LAMA2: variants seen among roughly 807,000 people sequenced by gnomAD.
LAMA2 encodes the protein laminin subunit alpha-2.
In LAMA2, 269 loss-of-function variants were observed where a neutral mutation model predicts 364.8. The observed-to-expected ratio is 0.74, with a 90% CI of 0.67 to 0.82. The LOEUF (loss-of-function observed/expected upper bound fraction) is 0.82, where lower values mean the gene tolerates loss of function less well. Among genes scored for constraint, LAMA2 ranks in the 40% least tolerant of loss-of-function variants. LAMA2 has a pLI of 0.00. For missense variants in LAMA2, 3,807 were observed against 3,873.2 expected (o/e 0.98, Z 0.45); for synonymous variants, 1,379 against 1,370.6 (o/e 1.01, Z -0.14).
intron 1 of LAMA2, among the ~76,000 whole-genome samples, chr6:128,920,103 T>G (rs1250020104): frequency 1.3e-5 from 2 of 152,134 alleles, no homozygotes; most frequent in Non-Finnish European, 2.9e-5. Flanking sequence ...TGTCACTGCC[T>G]AAAATATCTC....
intron 3 of LAMA2, among the ~76,000 whole-genome samples, chr6:129,077,958 C>T (rs780541490): frequency 6.6e-6 from 1 of 152,042 alleles, no homozygotes; most frequent in Admixed American, 6.6e-5. Flanking sequence ...TGTCCAAACC[C>T]GCAGGACGTG....
At chr6:129,023,699 A>C (rs1317786890) in intron 1 of LAMA2, among the ~76,000 whole-genome samples, 2 of 152,032 alleles carry the variant, frequency 1.3e-5, no homozygotes, top group African/African-American at 4.8e-5. Flanking sequence ...CCATGTTTCT[A>C]TCTGGTTTAC....
At chr6:128,965,588 G>A (rs1010226108) in intron 1 of LAMA2, among the ~76,000 whole-genome samples, 7 of 151,710 alleles carry the variant, frequency 4.6e-5, no homozygotes, top group African/African-American at 1.7e-4. Flanking sequence ...TTTCTACTTA[G>A]GCTAAGCTCT....
rs566082396 is a variant in LAMA2, at chr6:129,066,325, G to A, written c.396+6429G>A. Among the ~76,000 whole-genome samples, 37 of 151,956 alleles carry A rather than the reference G, an allele frequency of 2.4e-4. 2 individuals are homozygous for A. The South Asian group carries it at 7.1e-3, about 29-fold the overall frequency. ...CTCCCAAAGTGCTGGGATTACAGGC[G>A]TGAGCCACCGCGCCCGGCCTCAGGT... On this transcript the variant is annotated intron_variant, in intron 3 of 64. Transcript: ENST00000421865.
chr6:128,940,678 G>A lies in LAMA2; in HGVS notation c.112+57321G>A, dbSNP rs141804957. 6.9e-3 allele frequency among the ~76,000 whole-genome samples: 1,047 copies of A among 152,266 alleles called. 12 individuals carry two copies. Among genetic ancestry groups the A allele is most frequent in the African/African-American group, 0.023 (968 of 41,532 alleles). On this transcript the variant is annotated intron_variant, in intron 1 of 64. Transcript: ENST00000421865. ...AATGAAAGGTTTGATAAAGCTGGAC[G>A]TGGTAGCTCACACCTGTGATCCCAG...
At chr6:129,107,909 G>C (rs1775923720) in intron 4 of LAMA2, among the ~76,000 whole-genome samples, 2 of 152,094 alleles carry the variant, frequency 1.3e-5, no homozygotes, top group African/African-American at 2.4e-5. Flanking sequence ...TATAAGCTCA[G>C]GAGTCCCCCC....
At chr6:128,906,396 C>A (rs1777471247) in intron 1 of LAMA2, among the ~76,000 whole-genome samples, 1 of 129,318 alleles carries the variant, frequency 7.7e-6, no homozygotes, top group East Asian at 2.1e-4. Context: ...TGATGATGAG[C>A]ATTTTTTCAT....
At chr6:129,063,759 T>C (rs972959117) in intron 3 of LAMA2, among the ~76,000 whole-genome samples, 3 of 152,178 alleles carry the variant, frequency 2.0e-5, no homozygotes, top group African/African-American at 7.2e-5. Context: ...TTCACTGATC[T>C]TGCAGAGAAA....
intron 12 of LAMA2, among the ~76,000 whole-genome samples, chr6:129,233,674 C>T (rs894997490): frequency 1.3e-4 from 19 of 151,980 alleles, no homozygotes; most frequent in African/African-American, 4.4e-4. Flanking sequence ...GAAGAAAATC[C>T]GCGTATAAAT....
At chr6:129,007,621 AT>A (rs1438038179) in intron 1 of LAMA2, among the ~76,000 whole-genome samples, 1 of 152,210 alleles carries the variant, frequency 6.6e-6, no homozygotes, top group African/African-American at 2.4e-5. Flanking sequence ...ACATGTAAAT[AT>A]TGCATGAGTA....
intron 32 of LAMA2, among the ~76,000 whole-genome samples, chr6:129,362,244 A>G (rs982826163): frequency 6.6e-6 from 1 of 152,146 alleles, no homozygotes; most frequent in African/African-American, 2.4e-5. Flanking sequence ...CTGAATAGTC[A>G]TTCTTGTTGA....
At chr6:128,888,181 T>C (rs988953030) in intron 1 of LAMA2, among the ~76,000 whole-genome samples, 3 of 152,270 alleles carry the variant, frequency 2.0e-5, no homozygotes, top group Middle Eastern at 3.4e-3. Flanking sequence ...TTTTCCAGGC[T>C]TAGTATATAC....
intron 48 of LAMA2, among the ~76,000 whole-genome samples, chr6:129,457,355 T>C (rs1472285309): frequency 6.6e-6 from 1 of 152,128 alleles, no homozygotes; most frequent in African/African-American, 2.4e-5. Flanking sequence ...TAGTAATATA[T>C]AGTCATATTA....
At chr6:128,984,655 A>AT (rs66667236) in intron 1 of LAMA2, among the ~76,000 whole-genome samples, 19 of 143,514 alleles carry the variant, frequency 1.3e-4, no homozygotes, top group African/African-American at 4.8e-4. Context: ...AATTTAAATG[A>AT]TTTTTTTTTT....
chr6:129,140,653 A>C (rs1470575245), intron 4 of LAMA2, among the ~76,000 whole-genome samples: 1 of 152,014 alleles, frequency 6.6e-6, no homozygotes. Flanking sequence ...GAAGTATGCT[A>C]AGCTATCCAG....
Position 129,514,516 on chromosome 6 carries a change from C to G in LAMA2, c.9132C>G (p.Asn3044Lys). The stretch of plus-strand genomic sequence containing the variant: ...GCATTGAGCTCACAGTCGATGGGAA[C>G]CAGGTGGAAGCCCAAAGCCCAAACC... The part of the protein sequence containing the change: ...KHRIELTVDG[N>K]QVEAQSPNPA... Residue 3044 changes from asparagine (N) to lysine (K), a missense_variant, in exon 64 of 65, where the codon AAC becomes AAG. By Grantham distance (94) the Asn-to-Lys change is moderately conservative. Around this residue, in one of 3 missense-constraint regions of LAMA2, gnomAD observed 3,333 missense variants for 3,345.7 expected, o/e 1.00. Transcript: ENST00000421865. 7 of 1,614,118 alleles carry G rather than the reference C, an allele frequency of 4.3e-6. No homozygotes were observed. The highest frequency in any genetic ancestry group is 5.9e-6 in the Non-Finnish European group (7 of 1,180,002).
At chr6:129,497,607 C>G (rs1785290549) in intron 58 of LAMA2, among the ~76,000 whole-genome samples, 1 of 152,138 alleles carries the variant, frequency 6.6e-6, no homozygotes, top group Non-Finnish European at 1.5e-5. Flanking sequence ...TGAGAACTGC[C>G]TATTTATGAG....
Position 128,933,766 on chromosome 6 carries a change from C to T in LAMA2, c.112+50409C>T, listed in dbSNP as rs530324335. 3.3e-5 allele frequency among the ~76,000 whole-genome samples: 5 copies of T among 152,152 alleles called. No individual in the cohort carries two copies. In the South Asian group the frequency reaches 8.3e-4, roughly 25 times the overall value. On this transcript the variant is annotated intron_variant, in intron 1 of 64. Coordinates refer to ENST00000421865, the MANE Select transcript of LAMA2 (RefSeq NM_000426.4). ...TTTTAGATATGTTTAGGTCCTTTGT[C>T]CATTTTGAAATTGGCTTATTTTGTG...
intron 35 of LAMA2, 39 bp from the exon 36 acceptor site, chr6:129,391,452 T>C (rs776977561): frequency 6.5e-7 from 1 of 1,527,216 alleles, no homozygotes; most frequent in South Asian, 1.1e-5. Flanking sequence ...TGTGGCATGT[T>C]TGTTTACTAA....
Sources: gnomAD v4.1 joint callset for allele counts (sites outside exome capture counted in the v4.1 genomes callset) on GRCh38, gnomAD v4.1.1 for gene constraint, gnomAD v4.1.1 regional missense constraint, MANE v1.5 for transcripts, NCBI Gene and HGNC (gene_info 2026-07-23, HGNC 2026-07-21) for gene names.